Variants in SH3BP2 observed in about 807,000 individuals in gnomAD.
The protein encoded by SH3BP2 is SH3 domain binding protein 2.
A neutral mutation model predicts 56.2 loss-of-function variants in SH3BP2; 38 were observed. That is an observed-to-expected ratio of 0.68 (90% CI 0.52 to 0.89). SH3BP2 has a LOEUF of 0.89. Among genes scored for constraint, SH3BP2 ranks in the 40% least tolerant of loss-of-function variants. The pLI is 0.00. For synonymous variants in SH3BP2, 346 were observed against 316.7 expected, an observed-to-expected ratio of 1.09 and a Z score of -0.98; for missense variants, 748 against 762.6, an observed-to-expected ratio of 0.98 and a Z score of 0.23.
At position 2,829,678 on chromosome 4, in the gene SH3BP2, C is replaced by G. The variant is rs1262362367; in HGVS notation, c.772C>G (p.Pro258Ala). 4 of 1,613,172 alleles carry G rather than the reference C, an allele frequency of 2.5e-6. No individual in the cohort carries two copies. The highest frequency in any genetic ancestry group is 4.5e-5 in the East Asian group (2 of 44,876). ...GGCTGCTGAGGACTCCAAGAGGGACCCACTGTGCCCGAGGCGGGCTGAGCC... is the reference window on the plus strand; with the variant it reads ...GGCTGCTGAGGACTCCAAGAGGGACGCACTGTGCCCGAGGCGGGCTGAGCC... ...GLAAEDSKRD[P>A]LCPRRAEPCP... Residue 258 changes from proline to alanine, a missense_variant, in exon 8 of 13, where the codon CCA becomes GCA. By Grantham distance (27) the Pro-to-Ala change is conservative (BLOSUM62 -1). Around this residue, in one of 3 missense-constraint regions of SH3BP2, gnomAD observed 635 missense variants for 615.0 expected, o/e 1.03. Coordinates refer to ENST00000503393, the MANE Select transcript of SH3BP2 (RefSeq NM_001122681.2). The surrounding 1 kb of genome is among the most constrained non-coding windows in gnomAD (Gnocchi z 4.9).
Position 2,825,172 on chromosome 4 carries a change from A to C in SH3BP2, c.404A>C (p.Lys135Thr). Reference sequence around the variant, plus strand: ...AGGGAGATTGGCCACTTCCACGAAAAGAAAGACCTGCCCTTGGACACCAGG... The same window carrying C: ...AGGGAGATTGGCCACTTCCACGAAACGAAAGACCTGCCCTTGGACACCAGG... ...LRREIGHFHE[K>T]KDLPLDTSDS... The change falls in exon 5 of 13, where the codon AAG (lysine) becomes ACG (threonine). Residue 135 changes from lysine (K) to threonine (T), a missense_variant. Physicochemically the swap from Lys to Thr is moderately conservative, Grantham distance 78. This residue lies in a region of SH3BP2 where 635 missense variants were observed against 615.0 expected (regional missense o/e 1.03). Transcript: ENST00000503393. 6.3e-7 allele frequency: 1 copy of C among 1,584,356 alleles called. No homozygotes were observed. The highest frequency in any genetic ancestry group is 8.6e-7 in the Non-Finnish European group (1 of 1,165,178).
chr4:2,812,490 GC>G lies in SH3BP2; in HGVS notation c.-4-8120del, dbSNP rs1410030187. 3 of 1,546,702 alleles carry G rather than the reference GC, an allele frequency of 1.9e-6. No homozygotes were observed. The African/African-American group carries it at 4.1e-5, about 21-fold the overall frequency. ...TCAGCACCATCAGGTCAGTGGGGCG[GC>G]CCCAGGACTGGGGCTCGGGAGGCGG... On this transcript the variant is annotated intron_variant, in intron 1 of 12. Transcript: ENST00000503393.
rs1723714730 is a variant in SH3BP2, at chr4:2,810,736, A to C, written c.-4-9878A>C. 6.6e-6 allele frequency among the ~76,000 whole-genome samples: 1 copy of C among 152,044 alleles called. No homozygotes were observed. Among genetic ancestry groups the C allele is most frequent in the Non-Finnish European group, 1.5e-5 (1 of 67,998 alleles). ...GCCCCTCCTCTGGGAGGCGTTCCCC[A>C]GTCCAGAACCCACAGGGCCTGGTCC... is the stretch of plus-strand genomic sequence containing the variant. On this transcript the variant is annotated intron_variant, in intron 1 of 12. Transcript: ENST00000503393. This position sits in a 1 kb window ranked among gnomAD's most constrained non-coding sequence, Gnocchi z 4.2.
At chr4:2,815,788 AC>A (rs542116526) in intron 1 of SH3BP2, among the ~76,000 whole-genome samples, 99 of 152,266 alleles carry the variant, frequency 6.5e-4, no homozygotes, top group African/African-American at 2.3e-3. Flanking sequence ...TTTTGGGGCT[AC>A]CTGGGTGTCC....
chr4:2,824,855 A>G (rs1041771702), intron 4 of SH3BP2, 125 bp downstream of exon 4: 10 of 798,776 alleles, frequency 1.3e-5, no homozygotes, highest in Non-Finnish European at 2.1e-5. Context: ...GGCAAAGAGA[A>G]GGTGTGGCTG....
rs1235975228 is a variant in SH3BP2 at position 2,840,254 on chromosome 4, A to G, written c.*6420A>G. 2 of 150,860 alleles carry G rather than the reference A, an allele frequency of 1.3e-5. No homozygotes were observed. Among genetic ancestry groups the G allele is most frequent in the Non-Finnish European group, 3.0e-5 (2 of 67,628 alleles). 9.3% of individuals were successfully genotyped at this position (150,860 alleles called of 1,614,324 possible). A position where few individuals can be genotyped will look rare whatever the true frequency, so the allele number is the denominator to read the frequency against. On this transcript the variant is annotated 3_prime_UTR_variant, in exon 13 of 13. Transcript: ENST00000503393. Reference sequence around the variant, plus strand: ...AAAACCAAAAAAAAAAAAAAAAAAAAGAAAACCACTGAAATTATTTCCACT... The same window carrying G: ...AAAACCAAAAAAAAAAAAAAAAAAAGGAAAACCACTGAAATTATTTCCACT...
Position 2,832,348 on chromosome 4 carries a change from G to GC in SH3BP2, c.1429dup (p.Arg477ProfsTer30). On this transcript the variant is annotated frameshift_variant, in exon 11 of 13. Transcript: ENST00000503393. LOFTEE classifies it high-confidence loss of function. Reference sequence around the variant, plus strand: ...TATTTTAGGTTGTTCAAGGCTACAAGCCCCCGGGGAGAGCCCCAGGATGGA... The same window carrying GC: ...TATTTTAGGTTGTTCAAGGCTACAAGCCCCCCGGGGAGAGCCCCAGGATGGA... The GC allele has an allele frequency of 1.2e-6, 2 of 1,614,022 alleles. No individual in the cohort carries two copies. Among genetic ancestry groups the GC allele is most frequent in the Non-Finnish European group, 1.7e-6 (2 of 1,179,892 alleles).
Position 2,831,805 on chromosome 4 carries a change from A to C in SH3BP2, c.1351-118A>C. The C allele has an allele frequency of 7.4e-7, 1 of 1,359,728 alleles. No individual in the cohort carries two copies. Among genetic ancestry groups the C allele is most frequent in the Non-Finnish European group, 1.0e-6 (1 of 969,620 alleles). The allele number at this position is 1,359,728 out of a possible 1,614,324, so 84.2% of individuals were successfully genotyped here. Reference sequence around the variant, plus strand: ...GGACCCCCCGAGAACCCGGGAGCCTAGGGGGACACAGCACCATGTAAAGCC... The same window carrying C: ...GGACCCCCCGAGAACCCGGGAGCCTCGGGGGACACAGCACCATGTAAAGCC... On this transcript the variant is annotated intron_variant, in intron 9 of 12. Coordinates refer to ENST00000503393, the MANE Select transcript of SH3BP2 (RefSeq NM_001122681.2). This position sits in a 1 kb window ranked among gnomAD's most constrained non-coding sequence, Gnocchi z 4.1.
At position 2,840,660 on chromosome 4, in the gene SH3BP2, C is replaced by T. The variant is rs1013137325; in HGVS notation, c.*6826C>T. On this transcript the variant is annotated 3_prime_UTR_variant, in exon 13 of 13. Transcript: ENST00000503393. ...CCTTATTTTTCTTCTTTGAGAGTGT[C>T]TTGACTATTCTGGCTCTTTGTATTT... The T allele has an allele frequency of 6.6e-6, 1 of 152,150 alleles. No homozygotes were observed. Among genetic ancestry groups the T allele is most frequent in the Admixed American group, 6.6e-5 (1 of 15,266 alleles). The allele number at this position is 152,150 out of a possible 1,614,324, so 9.4% of individuals were successfully genotyped here.
chr4:2,823,321 G>C lies in SH3BP2; in HGVS notation c.239+284G>C, dbSNP rs1180565652. The C allele has an allele frequency of 7.5e-6, 4 of 536,400 alleles. No homozygotes were observed. In the Admixed American group the frequency reaches 9.0e-5, roughly 12 times the overall value. The allele number at this position is 536,400 out of a possible 1,614,324, so 33.2% of individuals were successfully genotyped here. A position where few individuals can be genotyped will look rare whatever the true frequency, so the allele number is the denominator to read the frequency against. ...GCCTGCTCTCCAGAGTCTCCACTCG[G>C]CCACCACCCAGTGACTTCTGCATCT... On this transcript the variant is annotated intron_variant, in intron 3 of 12. Coordinates refer to ENST00000503393, the MANE Select transcript of SH3BP2 (RefSeq NM_001122681.2).
In SH3BP2 at chr4:2,832,376, C is replaced by G. The variant is rs929925323; in HGVS notation, c.1452C>G (p.Leu484=). 1.2e-6 allele frequency: 2 copies of G among 1,614,048 alleles called. No individual in the cohort carries two copies. Among genetic ancestry groups the G allele is most frequent in the Non-Finnish European group, 1.7e-6 (2 of 1,180,004 alleles). Residue 484 remains leucine (L), a synonymous_variant, in exon 11 of 13, where the codon CTC becomes CTG. Transcript: ENST00000503393. ...CCCGGGGAGAGCCCCAGGATGGACT[C>G]TACTGCATCCGGAACTCCTCTACCA... ...TSPRGEPQDG[L]YCIRNSSTKS...
At chr4:2,832,136 A>G (rs1029732664) in intron 10 of SH3BP2, 158 bp downstream of exon 10, 6 of 977,718 alleles carry the variant, frequency 6.1e-6, no homozygotes, top group Admixed American at 1.9e-5. Flanking sequence ...GCTCTGTCCC[A>G]TGCCCAGCTG....
intron 1 of SH3BP2, among the ~76,000 whole-genome samples, chr4:2,802,492 A>G (rs1438171885): frequency 6.7e-6 from 1 of 148,428 alleles, no homozygotes; most frequent in Non-Finnish European, 1.5e-5. Flanking sequence ...ATATGTGTAT[A>G]TGTATATATA....
chr4:2,829,093 G>C lies in SH3BP2; in HGVS notation c.587-400G>C, dbSNP rs1351278965. Reference sequence around the variant, plus strand: ...TTCTGGATATGTTCTGAGCAAACACGGGCCTTCACCTTCCTCCCAGCTGCT... The same window carrying C: ...TTCTGGATATGTTCTGAGCAAACACCGGCCTTCACCTTCCTCCCAGCTGCT... On this transcript the variant is annotated intron_variant, in intron 7 of 12. Transcript: ENST00000503393. The surrounding 1 kb of genome is among the most constrained non-coding windows in gnomAD (Gnocchi z 4.9). Among the ~76,000 whole-genome samples, 2 of 152,088 alleles carry C rather than the reference G, an allele frequency of 1.3e-5. No homozygotes were observed. The highest frequency in any genetic ancestry group is 2.9e-5 in the Non-Finnish European group (2 of 68,014).
intron 2 of SH3BP2, among the ~76,000 whole-genome samples, chr4:2,821,291 G>A (rs1326662808): frequency 2.0e-5 from 3 of 152,368 alleles, no homozygotes; most frequent in African/African-American, 4.8e-5. Context: ...CTTTGCAGTA[G>A]CAGTGCCCTC....
chr4:2,818,224 A>C (rs1724093211), intron 1 of SH3BP2: 1 of 985,214 alleles, frequency 1.0e-6, no homozygotes, highest in African/African-American at 1.8e-5. Context: ...GCCGGCGGGC[A>C]TGGCGGGCTC....
intron 5 of SH3BP2, chr4:2,826,414 G>T (rs1370475599): frequency 5.3e-6 from 1 of 188,246 alleles, no homozygotes; most frequent in African/African-American, 2.6e-5. Context: ...GCATGTCCAC[G>T]TGTTGCTCTG....
intron 2 of SH3BP2, among the ~76,000 whole-genome samples, chr4:2,822,182 TCTCA>T (rs1724345900): frequency 7.1e-6 from 1 of 141,378 alleles, no homozygotes; most frequent in South Asian, 2.4e-4. Context: ...TATTTTTATG[TCTCA>T]CTCTGTCACC....
At chr4:2,824,502 C>A (rs1487999121) in intron 3 of SH3BP2, 111 bp from the exon 4 acceptor site, 3 of 837,242 alleles carry the variant, frequency 3.6e-6, no homozygotes, top group South Asian at 1.3e-5. Flanking sequence ...GATCTGCCCT[C>A]TTCCGTTGGG....
Sources: gnomAD v4.1 joint callset for allele counts (sites outside exome capture counted in the v4.1 genomes callset) on GRCh38, gnomAD v4.1.1 for gene constraint, gnomAD v4.1.1 regional missense constraint, Gnocchi (gnomAD v3.1) non-coding constraint, MANE v1.5 for transcripts, NCBI Gene and HGNC (gene_info 2026-07-23, HGNC 2026-07-21) for gene names.